PPP1R12B: variants seen among roughly 807,000 people sequenced by gnomAD.
PPP1R12B encodes protein phosphatase 1 regulatory subunit 12B.
PPP1R12B carries 76 observed loss-of-function variants against 126.1 expected under a neutral mutation model. The observed-to-expected ratio is 0.60, with a 90% CI of 0.50 to 0.73. PPP1R12B has a LOEUF of 0.73. Among genes scored for constraint, PPP1R12B ranks in the 30% least tolerant of loss-of-function variants. The pLI is 0.00. For missense variants in PPP1R12B, 1,052 were observed against 1,205.1 expected (o/e 0.87, Z 1.88); for synonymous variants, 356 against 434.7 (o/e 0.82, Z 2.25).
chr1:202,403,562 A>G (rs928417634), intron 1 of PPP1R12B, among the ~76,000 whole-genome samples: 7 of 152,224 alleles, frequency 4.6e-5, no homozygotes, highest in African/African-American at 1.4e-4. Context: ...ATGCCATGGT[A>G]TTCATGACAC....
chr1:202,349,800 A>G (rs1292793835), intron 1 of PPP1R12B, among the ~76,000 whole-genome samples: 2 of 152,150 alleles, frequency 1.3e-5, no homozygotes, highest in Non-Finnish European at 2.9e-5. Context: ...TTTGATACTT[A>G]TGGAATAGCT....
chr1:202,563,396 C>T (rs1250506680), intron 20 of PPP1R12B, among the ~76,000 whole-genome samples: 2 of 152,026 alleles, frequency 1.3e-5, no homozygotes, highest in African/African-American at 2.4e-5. Flanking sequence ...GGATTACAGA[C>T]GTGAGCCACC....
At position 202,584,232 on chromosome 1, in the gene PPP1R12B, G is replaced by T. The variant is rs1408313114; in HGVS notation, c.*3672G>T. The T allele has an allele frequency of 1.3e-5, 2 of 152,268 alleles. No individual in the cohort carries two copies. The highest frequency in any genetic ancestry group is 3.9e-4 in the East Asian group (2 of 5,188). 9.4% of individuals were successfully genotyped at this position (152,268 alleles called of 1,614,324 possible). A position where few individuals can be genotyped will look rare whatever the true frequency, so the allele number is the denominator to read the frequency against. On this transcript the variant is annotated 3_prime_UTR_variant, in exon 24 of 24. Transcript: ENST00000608999. ...CAGGATGTGTTTACTTCTCTTCTGG[G>T]CTTCCCCTGGTTTCTGTCCTAGTTC...
intron 13 of PPP1R12B, among the ~76,000 whole-genome samples, chr1:202,468,179 G>A (rs1486117029): frequency 4.6e-5 from 7 of 152,098 alleles, no homozygotes; most frequent in African/African-American, 1.4e-4. Context: ...TAGGTTGCCT[G>A]TTCACTCTGA....
chr1:202,579,502 G>T (rs1283231946), intron 23 of PPP1R12B, among the ~76,000 whole-genome samples: 1 of 152,202 alleles, frequency 6.6e-6, no homozygotes, highest in East Asian at 1.9e-4. Flanking sequence ...CACATAAACT[G>T]TACCCTTATC....
chr1:202,487,070 A>T (rs555776263), intron 13 of PPP1R12B, among the ~76,000 whole-genome samples: 22 of 152,176 alleles, frequency 1.4e-4, no homozygotes, highest in African/African-American at 4.8e-4. Flanking sequence ...TTAAAAATCT[A>T]TATAAAAAGA....
At chr1:202,420,611 A>G (rs1381994256) in intron 2 of PPP1R12B, among the ~76,000 whole-genome samples, 2 of 152,130 alleles carry the variant, frequency 1.3e-5, no homozygotes, top group Non-Finnish European at 2.9e-5. Context: ...AGGGTTGGGG[A>G]GGTGTAGCTG....
At chr1:202,499,649 T>C (rs1276327487) in intron 18 of PPP1R12B, among the ~76,000 whole-genome samples, 2 of 152,262 alleles carry the variant, frequency 1.3e-5, no homozygotes, top group African/African-American at 4.8e-5. Flanking sequence ...TGATTCAAAA[T>C]ATCTATGGTT....
At chr1:202,506,125 A>G (rs771629025) in intron 18 of PPP1R12B, among the ~76,000 whole-genome samples, 1 of 152,208 alleles carries the variant, frequency 6.6e-6, no homozygotes, top group Non-Finnish European at 1.5e-5. Flanking sequence ...ATGGCAGCCA[A>G]CCAACTCTGT....
At chr1:202,496,076 C>G (rs1016533853) in intron 17 of PPP1R12B, among the ~76,000 whole-genome samples, 1 of 152,156 alleles carries the variant, frequency 6.6e-6, no homozygotes, top group Non-Finnish European at 1.5e-5. Context: ...GAGATTCTAA[C>G]TAAATATTGT....
rs1674696954 is a variant in PPP1R12B at position 202,464,291 on chromosome 1, T to C, written c.1850+15120T>C. 4.6e-5 allele frequency among the ~76,000 whole-genome samples: 7 copies of C among 152,318 alleles called. No individual in the cohort carries two copies. In the South Asian group the frequency reaches 1.4e-3, roughly 32 times the overall value. On this transcript the variant is annotated intron_variant, in intron 13 of 23. Transcript: ENST00000608999. ...ACAGAGCCTAATACATAGTAGATGA[T>C]GGGTAAATGTTTATTGAATAAAATT...
Position 202,565,745 on chromosome 1 carries a change from A to G in PPP1R12B, c.2757+1198A>G, listed in dbSNP as rs1403759920. Among the ~76,000 whole-genome samples, 1 of 152,214 alleles carries G rather than the reference A, an allele frequency of 6.6e-6. No homozygotes were observed. Among genetic ancestry groups the G allele is most frequent in the African/African-American group, 2.4e-5 (1 of 41,450 alleles). On this transcript the variant is annotated intron_variant, in intron 21 of 23. Coordinates refer to ENST00000608999, the MANE Select transcript of PPP1R12B (RefSeq NM_002481.4). The surrounding 1 kb of genome is among the most constrained non-coding windows in gnomAD (Gnocchi z 4.3). ...GGAAATTTCTGAGACTTACTGCAAC[A>G]CAAATAGATAATAACTAGGCTTAAA...
At chr1:202,551,925 C>G (rs1293383317) in intron 18 of PPP1R12B, among the ~76,000 whole-genome samples, 1 of 152,146 alleles carries the variant, frequency 6.6e-6, no homozygotes, top group African/African-American at 2.4e-5. Flanking sequence ...TGCCAACAGC[C>G]TGGATGAGCT....
At chr1:202,400,265 G>A (rs187269198) in intron 1 of PPP1R12B, among the ~76,000 whole-genome samples, 2 of 152,242 alleles carry the variant, frequency 1.3e-5, no homozygotes, top group Admixed American at 6.5e-5. Context: ...TTTCTGTATT[G>A]TTAATATCAT....
At chr1:202,391,404 A>C (rs531308677) in intron 1 of PPP1R12B, among the ~76,000 whole-genome samples, 2 of 152,264 alleles carry the variant, frequency 1.3e-5, no homozygotes, top group Admixed American at 1.3e-4. Flanking sequence ...GGTGTGGTGA[A>C]ATTGGAGCTC....
chr1:202,502,954 G>T (rs1411788145), intron 18 of PPP1R12B: 1 of 152,102 alleles, frequency 6.6e-6, no homozygotes, highest in Non-Finnish European at 1.5e-5. Flanking sequence ...AAATGGCATC[G>T]ACTGATAAGT....
intron 5 of PPP1R12B, among the ~76,000 whole-genome samples, chr1:202,428,082 T>C (rs1024003619): frequency 2.6e-5 from 4 of 151,824 alleles, no homozygotes; most frequent in Admixed American, 2.6e-4. Context: ...TCCCAAACTC[T>C]GTGTTTAAAG....
chr1:202,580,902 A>G lies in PPP1R12B; in HGVS notation c.*342A>G, dbSNP rs1459914135. On this transcript the variant is annotated 3_prime_UTR_variant, in exon 24 of 24. Transcript: ENST00000608999. ...CTTTGTCCACATTGGATTTGGTCCA[A>G]ACATGTAAGACTTCTACCCTAATCA... The G allele has an allele frequency of 1.6e-5, 4 of 257,890 alleles. No homozygotes were observed. The East Asian group carries it at 2.4e-4, about 15-fold the overall frequency. The allele number at this position is 257,890 out of a possible 1,614,324, so 16.0% of individuals were successfully genotyped here. A position where few individuals can be genotyped will look rare whatever the true frequency, so the allele number is the denominator to read the frequency against.
chr1:202,590,113 A>G lies in PPP1R12B; in HGVS notation c.*9553A>G, dbSNP rs1246700014. 2 of 152,160 alleles carry G rather than the reference A, an allele frequency of 1.3e-5. No homozygotes were observed. Among genetic ancestry groups the G allele is most frequent in the Non-Finnish European group, 2.9e-5 (2 of 68,026 alleles). The allele number at this position is 152,160 out of a possible 1,614,324, so 9.4% of individuals were successfully genotyped here. A position where few individuals can be genotyped will look rare whatever the true frequency, so the allele number is the denominator to read the frequency against. On this transcript the variant is annotated 3_prime_UTR_variant, in exon 24 of 24. Transcript: ENST00000608999. ...TGCTTCAGAAGTTAAAGACATTTCA[A>G]GTTATTTGCAAAGAGTCAACTGAGG...
Sources: allele counts gnomAD v4.1 joint callset (sites outside exome capture counted in the v4.1 genomes callset), GRCh38; gene constraint gnomAD v4.1.1; non-coding constraint Gnocchi (gnomAD v3.1); transcripts MANE v1.5; gene names NCBI Gene and HGNC (gene_info 2026-07-23, HGNC 2026-07-21).